Variants in SGCZ observed in about 807,000 individuals in gnomAD.
The protein encoded by SGCZ is zeta-sarcoglycan.
Under a neutral mutation model 41.3 loss-of-function variants are expected in SGCZ, and 40 were observed. The observed-to-expected ratio is 0.97, with a 90% CI of 0.75 to 1.26. SGCZ has a LOEUF of 1.26. Ranked by LOEUF, SGCZ falls within the 50% of genes most tolerant of loss-of-function variation. The probability of loss-of-function intolerance (pLI) is 0.00; values close to 1 mark genes in which losing one functional copy is unlikely to be tolerated. For missense variants in SGCZ, 552 were observed against 369.8 expected (o/e 1.49, Z -4.04); for synonymous variants, 206 against 137.5 (o/e 1.50, Z -3.49).
chr8:14,365,112 G>C (rs889027716), intron 2 of SGCZ, among the ~76,000 whole-genome samples: 5 of 151,650 alleles, frequency 3.3e-5, no homozygotes, highest in Non-Finnish European at 7.4e-5. Flanking sequence ...TTTCACTTTT[G>C]TCATATATGT....
chr8:14,795,469 G>A (rs1801092176), intron 1 of SGCZ, among the ~76,000 whole-genome samples: 1 of 151,824 alleles, frequency 6.6e-6, no homozygotes, highest in Non-Finnish European at 1.5e-5. Context: ...TTTTGAGACA[G>A]GTTCTTGCTG....
chr8:14,169,776 T>C (rs1804319923), intron 4 of SGCZ, among the ~76,000 whole-genome samples: 1 of 152,198 alleles, frequency 6.6e-6, no homozygotes, highest in African/African-American at 2.4e-5. Context: ...AAGAGGCATA[T>C]TTTTGTAAGA....
In SGCZ at chr8:14,117,447, CAGAGTATAGCATCTCACTGGGGAGTACT is replaced by C. The variant is rs1264129010; in HGVS notation, c.548-9240_548-9213del. Among the ~76,000 whole-genome samples the C allele has an allele frequency of 4.0e-5, 5 of 123,904 alleles. No homozygotes were observed. The East Asian group carries it at 1.1e-3, about 27-fold the overall frequency. The allele number at this position is 123,904 out of a possible 152,430, so 81.3% of individuals were successfully genotyped here. A position where few individuals can be genotyped will look rare whatever the true frequency, so the allele number is the denominator to read the frequency against. On this transcript the variant is annotated intron_variant, in intron 5 of 7. Transcript: ENST00000382080. The stretch of plus-strand genomic sequence containing the variant: ...GTGTGTGTGTGTGTGTGTGTGAATG[CAGAGTATAGCATCTCACTGGGGAGTACT>C]TGACCCGTGTGTGTGTGTGTGTATG...
intron 1 of SGCZ, among the ~76,000 whole-genome samples, chr8:14,745,031 G>A (rs775456724): frequency 2.0e-5 from 3 of 152,104 alleles, no homozygotes; most frequent in Non-Finnish European, 4.4e-5. Flanking sequence ...TTCAAAGACT[G>A]GATATTTACT....
At chr8:14,673,164 C>T (rs1342855811) in intron 1 of SGCZ, among the ~76,000 whole-genome samples, 1 of 152,136 alleles carries the variant, frequency 6.6e-6, no homozygotes, top group South Asian at 2.1e-4. Flanking sequence ...ATGATGTTTA[C>T]CCTGTATTGT....
intron 1 of SGCZ, among the ~76,000 whole-genome samples, chr8:14,940,586 A>C (rs1306383099): frequency 2.0e-5 from 3 of 152,202 alleles, no homozygotes; most frequent in Non-Finnish European, 2.9e-5. Context: ...AGATTTAAAC[A>C]TATAAACAAA....
intron 3 of SGCZ, among the ~76,000 whole-genome samples, chr8:14,238,971 A>G (rs1360942606): frequency 6.6e-6 from 1 of 151,784 alleles, no homozygotes; most frequent in African/African-American, 2.4e-5. Context: ...ATATATATGT[A>G]TATATATAAA....
intron 2 of SGCZ, among the ~76,000 whole-genome samples, chr8:14,390,866 G>C (rs1442488709): frequency 1.3e-5 from 2 of 151,928 alleles, no homozygotes; most frequent in Admixed American, 6.6e-5. Flanking sequence ...TATTTTAAAA[G>C]TATTTTTAAA....
intron 1 of SGCZ, among the ~76,000 whole-genome samples, chr8:15,180,980 C>A (rs13271509): frequency 6.6e-6 from 1 of 151,780 alleles, no homozygotes; most frequent in African/African-American, 2.4e-5. Flanking sequence ...AATAGATATG[C>A]CCAAATGAAG....
chr8:14,951,872 G>A (rs2130837048), intron 1 of SGCZ, among the ~76,000 whole-genome samples: 1 of 152,112 alleles, frequency 6.6e-6, no homozygotes, highest in African/African-American at 2.4e-5. Context: ...TTTCAAATCT[G>A]TCCTAAAAAG....
chr8:14,781,313 C>T (rs554344903), intron 1 of SGCZ, among the ~76,000 whole-genome samples: 2 of 152,288 alleles, frequency 1.3e-5, no homozygotes, highest in South Asian at 4.1e-4. Flanking sequence ...CTCACTGAAA[C>T]GTCAGCCTCC....
At chr8:14,442,635 T>G (rs1400556128) in intron 2 of SGCZ, among the ~76,000 whole-genome samples, 1 of 152,112 alleles carries the variant, frequency 6.6e-6, no homozygotes, top group African/African-American at 2.4e-5. Context: ...TTATATAGAG[T>G]TGATACTTTC....
At chr8:14,977,354 G>A (rs1801511153) in intron 1 of SGCZ, among the ~76,000 whole-genome samples, 1 of 152,140 alleles carries the variant, frequency 6.6e-6, no homozygotes, top group South Asian at 2.1e-4. Context: ...AATGACTAAT[G>A]AGACAATCCA....
At chr8:14,752,072 G>C (rs1395195486) in intron 1 of SGCZ, among the ~76,000 whole-genome samples, 4 of 120,016 alleles carry the variant, frequency 3.3e-5, no homozygotes, top group Admixed American at 2.1e-4. Flanking sequence ...GTAAAGATGA[G>C]AAAACTATTT....
intron 2 of SGCZ, among the ~76,000 whole-genome samples, chr8:14,514,664 T>C (rs1802559707): frequency 6.8e-6 from 1 of 148,058 alleles, no homozygotes; most frequent in Non-Finnish European, 1.5e-5. Flanking sequence ...ACTTTACATA[T>C]ATATGTAAAT....
At chr8:14,428,069 A>G (rs1186586693) in intron 2 of SGCZ, among the ~76,000 whole-genome samples, 1 of 151,598 alleles carries the variant, frequency 6.6e-6, no homozygotes, top group Admixed American at 6.6e-5. Context: ...TCCTGGAATC[A>G]AACCCCGCAG....
intron 1 of SGCZ, among the ~76,000 whole-genome samples, chr8:14,698,222 T>C (rs188760000): frequency 5.9e-5 from 9 of 152,036 alleles, no homozygotes; most frequent in African/African-American, 2.2e-4. Context: ...CCTAATAAAA[T>C]TTGCTTTTAT....
intron 7 of SGCZ, among the ~76,000 whole-genome samples, chr8:14,099,545 C>G (rs1032121638): frequency 3.3e-5 from 5 of 151,988 alleles, no homozygotes; most frequent in African/African-American, 1.2e-4. Flanking sequence ...ACCAACATGG[C>G]GACACCCTGT....
intron 1 of SGCZ, among the ~76,000 whole-genome samples, chr8:14,876,962 C>A (rs1804383771): frequency 1.3e-5 from 2 of 152,066 alleles, no homozygotes; most frequent in South Asian, 4.1e-4. Context: ...ACCTACCACT[C>A]TAAGAGCCTT....
Sources: gnomAD v4.1 joint callset for allele counts (sites outside exome capture counted in the v4.1 genomes callset) on GRCh38, gnomAD v4.1.1 for gene constraint, MANE v1.5 for transcripts, NCBI Gene and HGNC (gene_info 2026-07-23, HGNC 2026-07-21) for gene names.